Variants in TMTC1 observed in about 807,000 individuals in gnomAD.
The protein encoded by TMTC1 is protein O-mannosyl-transferase TMTC1.
Under a neutral mutation model 104.8 loss-of-function variants are expected in TMTC1, and 73 were observed. The ratio of observed to expected loss-of-function variants is 0.70; its 90% CI spans 0.58 to 0.85. The LOEUF (loss-of-function observed/expected upper bound fraction) is 0.85, where lower values mean the gene tolerates loss of function less well. Among genes scored for constraint, TMTC1 ranks in the 40% least tolerant of loss-of-function variants. TMTC1 has a pLI of 0.00. For synonymous variants in TMTC1, 434 were observed against 428.7 expected (o/e 1.01, Z -0.15); for missense variants, 1,035 against 1,096.1 (o/e 0.94, Z 0.79).
intron 1 of TMTC1, among the ~76,000 whole-genome samples, chr12:29,777,230 G>A (rs929628477): frequency 2.0e-5 from 3 of 152,030 alleles, no homozygotes; most frequent in African/African-American, 7.3e-5. Flanking sequence ...GAGCAGCTGG[G>A]ACTACAGGTG....
chr12:29,568,065 G>A (rs1334343926), intron 9 of TMTC1, among the ~76,000 whole-genome samples: 1 of 152,064 alleles, frequency 6.6e-6, no homozygotes, highest in Non-Finnish European at 1.5e-5. Flanking sequence ...GATCCATATG[G>A]GAGGGAATAC....
chr12:29,633,884 T>A (rs73073454), intron 5 of TMTC1, among the ~76,000 whole-genome samples: 39 of 152,342 alleles, frequency 2.6e-4, no homozygotes, highest in Admixed American at 7.2e-4. Flanking sequence ...TATGCCTGTT[T>A]CCTGGCTGCC....
At chr12:29,702,823 G>A (rs759072769) in intron 5 of TMTC1, among the ~76,000 whole-genome samples, 12 of 152,078 alleles carry the variant, frequency 7.9e-5, no homozygotes, top group South Asian at 2.1e-4. Context: ...ACACAGCTAA[G>A]GACTGCGATA....
At position 29,755,722 on chromosome 12, in the gene TMTC1, T is replaced by G; in HGVS notation, c.718A>C (p.Lys240Gln). ...LVYDLFSLSNKQDKSSNGALC... is the reference protein window; with the variant it reads ...LVYDLFSLSNQQDKSSNGALC... ...AAAATGACTTACGACTTGTCTTGCT[T>G]GTTGGAAAGGGAAAAGAGGTCATAA... is the stretch of plus-strand genomic sequence containing the variant. The change falls in exon 4 of 18, where the codon AAG becomes CAG. Residue 240 changes from lysine to glutamine, a missense_variant. Lys to Gln is a moderately conservative substitution (Grantham distance 53). Coordinates refer to ENST00000539277, the MANE Select transcript of TMTC1 (RefSeq NM_001193451.2). 1 of 1,613,516 alleles carries G rather than the reference T, an allele frequency of 6.2e-7. No homozygotes were observed. Among genetic ancestry groups the G allele is most frequent in the Non-Finnish European group, 8.5e-7 (1 of 1,179,728 alleles).
At chr12:29,653,519 A>C (rs1027605142) in intron 5 of TMTC1, among the ~76,000 whole-genome samples, 3 of 152,170 alleles carry the variant, frequency 2.0e-5, no homozygotes, top group Admixed American at 6.5e-5. Flanking sequence ...TTGTGTGATA[A>C]AGATACAATG....
At chr12:29,598,033 A>G (rs1946459945) in intron 7 of TMTC1, among the ~76,000 whole-genome samples, 1 of 152,234 alleles carries the variant, frequency 6.6e-6, no homozygotes, top group Non-Finnish European at 1.5e-5. Context: ...GGAACTACAG[A>G]GCAAGGCCAA....
chr12:29,783,651 G>C lies in TMTC1; in HGVS notation c.101C>G (p.Ala34Gly), dbSNP rs764371354. 7.1e-6 allele frequency: 10 copies of C among 1,402,000 alleles called. No homozygotes were observed. In the East Asian group the frequency reaches 2.7e-4, roughly 38 times the overall value. The allele number at this position is 1,402,000 out of a possible 1,614,324, so 86.8% of individuals were successfully genotyped here. A position where few individuals can be genotyped will look rare whatever the true frequency, so the allele number is the denominator to read the frequency against. The change falls in exon 1 of 18, where the codon GCC (alanine) becomes GGC (glycine). Residue 34 changes from alanine (A) to glycine (G), a missense_variant. Physicochemically the swap from Ala to Gly is moderately conservative, Grantham distance 60 (BLOSUM62 0). Transcript: ENST00000539277. This position sits in a 1 kb window ranked among gnomAD's most constrained non-coding sequence, Gnocchi z 4.7. ...LAPAGAAALL[A>G]GASCLCYGRS... ...GCCGTAGCACAGGCAGCTTGCCCCG[G>C]CCAGCAGCGCCGCGGCCCCGGCCGG...
At chr12:29,680,114 C>T (rs1565763529) in intron 5 of TMTC1, among the ~76,000 whole-genome samples, 1 of 152,080 alleles carries the variant, frequency 6.6e-6, no homozygotes, top group Non-Finnish European at 1.5e-5. Context: ...TCGTTAGGAA[C>T]CAGAGTTTTC....
intron 5 of TMTC1, chr12:29,660,740 A>G: frequency 3.7e-6 from 2 of 543,966 alleles, no homozygotes; most frequent in Non-Finnish European, 5.4e-6. Flanking sequence ...CTGAGCTGAG[A>G]TAGAGTGGAA....
At chr12:29,568,208 T>G (rs1945571144) in intron 9 of TMTC1, among the ~76,000 whole-genome samples, 1 of 152,196 alleles carries the variant, frequency 6.6e-6, no homozygotes, top group Admixed American at 6.5e-5. Flanking sequence ...AGATTTCTTT[T>G]GTATAGGAGC....
intron 11 of TMTC1, among the ~76,000 whole-genome samples, chr12:29,531,759 G>C (rs2136190483): frequency 6.6e-6 from 1 of 152,278 alleles, no homozygotes; most frequent in Middle Eastern, 3.4e-3. Flanking sequence ...TGATGCAGTA[G>C]ACACAGAGTG....
intron 5 of TMTC1, among the ~76,000 whole-genome samples, chr12:29,700,724 A>G (rs1941564924): frequency 1.3e-5 from 2 of 152,230 alleles, no homozygotes; most frequent in South Asian, 4.1e-4. Flanking sequence ...CTCATTCATC[A>G]TCAGTCAGAG....
intron 7 of TMTC1, among the ~76,000 whole-genome samples, chr12:29,585,818 A>G (rs919796185): frequency 6.6e-6 from 1 of 152,192 alleles, no homozygotes; most frequent in African/African-American, 2.4e-5. Flanking sequence ...TGGTACCAGT[A>G]CAATGCTGTT....
chr12:29,666,214 T>C (rs1565752659), intron 5 of TMTC1: 2 of 425,286 alleles, frequency 4.7e-6, no homozygotes, highest in Admixed American at 2.9e-5. Flanking sequence ...CTTTTCTTTC[T>C]TTTTTTCTTT....
chr12:29,633,358 C>T (rs1565725120), intron 5 of TMTC1, 22 bp from the exon 6 acceptor site: 3 of 1,570,944 alleles, frequency 1.9e-6, no homozygotes, highest in Non-Finnish European at 2.6e-6. Flanking sequence ...AGAAGAATCA[C>T]TGAAACACTG....
intron 10 of TMTC1, among the ~76,000 whole-genome samples, chr12:29,555,816 T>C (rs1296138616): frequency 6.6e-6 from 1 of 152,212 alleles, no homozygotes; most frequent in Admixed American, 6.5e-5. Flanking sequence ...GTAGAATGAT[T>C]TGTAATCCTT....
At chr12:29,684,759 A>ATGTAG (rs1443896047) in intron 5 of TMTC1, among the ~76,000 whole-genome samples, 123 of 152,306 alleles carry the variant, frequency 8.1e-4, no homozygotes, top group African/African-American at 2.8e-3. Context: ...CAGTGAAAAC[A>ATGTAG]CTTAGCATAA....
chr12:29,615,800 T>C (rs574091754), intron 6 of TMTC1, among the ~76,000 whole-genome samples: 44 of 152,310 alleles, frequency 2.9e-4, no homozygotes, highest in Non-Finnish European at 5.9e-4. Flanking sequence ...TCAGGTGGTA[T>C]TGCTAAAAAG....
At chr12:29,555,728 T>C (rs1945225969) in intron 10 of TMTC1, among the ~76,000 whole-genome samples, 1 of 152,226 alleles carries the variant, frequency 6.6e-6, no homozygotes, top group Non-Finnish European at 1.5e-5. Flanking sequence ...CTATCACTGA[T>C]GGGCATTTGG....
Sources: gnomAD v4.1 joint callset for allele counts (sites outside exome capture counted in the v4.1 genomes callset) on GRCh38, gnomAD v4.1.1 for gene constraint, Gnocchi (gnomAD v3.1) non-coding constraint, MANE v1.5 for transcripts, NCBI Gene and HGNC (gene_info 2026-07-23, HGNC 2026-07-21) for gene names.